The following PLCH1 variants were observed in gnomAD, a reference collection of about 807,000 sequenced individuals.
The protein encoded by PLCH1 is 1-phosphatidylinositol 4,5-bisphosphate phosphodiesterase eta-1.
In PLCH1, 60 loss-of-function variants were observed where a neutral mutation model predicts 126.7. The observed-to-expected ratio is 0.47, with a 90% CI of 0.38 to 0.59. The LOEUF (loss-of-function observed/expected upper bound fraction) is 0.59. Among genes scored for constraint, PLCH1 ranks in the 20% least tolerant of loss-of-function variants. The pLI, the probability that PLCH1 is intolerant of heterozygous loss-of-function variation, is 0.00. For synonymous variants in PLCH1, 719 were observed against 734.9 expected, an observed-to-expected ratio of 0.98 and a Z score of 0.35; for missense variants, 1,723 against 2,040.0, an observed-to-expected ratio of 0.84 and a Z score of 2.99.
Position 155,480,899 on chromosome 3 carries a change from C to T in PLCH1, c.*69G>A. The T allele has an allele frequency of 7.7e-7, 1 of 1,299,756 alleles. No homozygotes were observed. Among genetic ancestry groups the T allele is most frequent in the East Asian group, 2.3e-5 (1 of 42,898 alleles). 80.5% of individuals were successfully genotyped at this position (1,299,756 alleles called of 1,614,324 possible). A position where few individuals can be genotyped will look rare whatever the true frequency, so the allele number is the denominator to read the frequency against. On this transcript the variant is annotated 3_prime_UTR_variant, in exon 23 of 23. Coordinates refer to ENST00000460012, the MANE Select transcript of PLCH1 (RefSeq NM_014996.4). ...TGAAAATCATTCCAAAGCCAAGGAACTTATTTACTGAAAACTCTGACATTC... is the reference window on the plus strand; with the variant it reads ...TGAAAATCATTCCAAAGCCAAGGAATTTATTTACTGAAAACTCTGACATTC...
intron 1 of PLCH1, among the ~76,000 whole-genome samples, chr3:155,726,989 G>A (rs1464323849): frequency 1.3e-5 from 2 of 151,310 alleles, no homozygotes; most frequent in African/African-American, 4.9e-5. Context: ...CAAAGTGCTG[G>A]GAATACAGGC....
rs71302276 is a variant in PLCH1, at chr3:155,619,847, C to CAA, written c.80-23471_80-23470dup. ...TTATTTCTATGGCAGATGTTTTTGT[C>CAA]AAAAAAAAAAAATCCATCCTATAAA... On this transcript the variant is annotated intron_variant, in intron 2 of 22. Coordinates refer to ENST00000460012, the MANE Select transcript of PLCH1 (RefSeq NM_014996.4). 3.3e-3 allele frequency among the ~76,000 whole-genome samples: 471 copies of CAA among 143,370 alleles called. 2 individuals carry two copies. The highest frequency in any genetic ancestry group is 0.021 in the South Asian group (93 of 4,506). The allele number at this position is 143,370 out of a possible 152,430, so 94.1% of individuals were successfully genotyped here. A position where few individuals can be genotyped will look rare whatever the true frequency, so the allele number is the denominator to read the frequency against.
At chr3:155,604,093 T>C (rs1248513077) in intron 2 of PLCH1, among the ~76,000 whole-genome samples, 1 of 152,126 alleles carries the variant, frequency 6.6e-6, no homozygotes, top group Non-Finnish European at 1.5e-5. Context: ...AGCAAGACCC[T>C]AGACTCAATC....
chr3:155,490,056 T>C (rs1715941287), intron 19 of PLCH1, among the ~76,000 whole-genome samples: 1 of 152,206 alleles, frequency 6.6e-6, no homozygotes, highest in African/African-American at 2.4e-5. Context: ...TCCTAAGTTA[T>C]AGGTTTGCCC....
chr3:155,615,093 A>G (rs533087918), intron 2 of PLCH1, among the ~76,000 whole-genome samples: 1 of 152,314 alleles, frequency 6.6e-6, no homozygotes, highest in East Asian at 1.9e-4. Context: ...AGCAAGAAAA[A>G]AACAAAAAAT....
intron 2 of PLCH1, among the ~76,000 whole-genome samples, chr3:155,648,642 A>C (rs1424342041): frequency 6.6e-6 from 1 of 152,256 alleles, no homozygotes; most frequent in African/African-American, 2.4e-5. Flanking sequence ...AGTGTGACAG[A>C]CAGAATGCCT....
intron 4 of PLCH1, among the ~76,000 whole-genome samples, chr3:155,589,997 C>T (rs548366501): frequency 3.9e-5 from 6 of 152,172 alleles, no homozygotes; most frequent in African/African-American, 9.6e-5. Flanking sequence ...GGGGCTGGAC[C>T]GCAGGCAGTG....
intron 2 of PLCH1, among the ~76,000 whole-genome samples, chr3:155,613,602 T>C (rs1735418153): frequency 6.6e-6 from 1 of 152,122 alleles, no homozygotes; most frequent in Admixed American, 6.5e-5. Context: ...AAATCCAGCA[T>C]CCTTTATGAT....
At chr3:155,606,574 T>C (rs1256377023) in intron 2 of PLCH1, among the ~76,000 whole-genome samples, 2 of 152,254 alleles carry the variant, frequency 1.3e-5, no homozygotes, top group East Asian at 3.8e-4. Flanking sequence ...TATTGCTCTG[T>C]AGTAGTAACC....
At chr3:155,670,893 G>A (rs1163127520) in intron 2 of PLCH1, among the ~76,000 whole-genome samples, 2 of 151,922 alleles carry the variant, frequency 1.3e-5, no homozygotes, top group Non-Finnish European at 2.9e-5. Flanking sequence ...TTTCCATCTC[G>A]CACTCAGGAA....
At chr3:155,641,885 C>T (rs555205255) in intron 2 of PLCH1, among the ~76,000 whole-genome samples, 2 of 152,132 alleles carry the variant, frequency 1.3e-5, no homozygotes, top group African/African-American at 4.8e-5. Flanking sequence ...AGAAATTAAT[C>T]CTGTTTAATC....
At chr3:155,722,030 G>C (rs1747984894) in intron 1 of PLCH1, among the ~76,000 whole-genome samples, 1 of 152,164 alleles carries the variant, frequency 6.6e-6, no homozygotes, top group Non-Finnish European at 1.5e-5. Flanking sequence ...CTGGGCAAAA[G>C]AGTGAGACTC....
intron 1 of PLCH1, chr3:155,743,222 T>C (rs748162079): frequency 4.2e-5 from 19 of 453,880 alleles, no homozygotes; most frequent in Middle Eastern, 3.2e-4. Flanking sequence ...AGATTCACAA[T>C]TTTATGAAAA....
chr3:155,733,934 CATATATATATATATATATAT>C lies in PLCH1; in HGVS notation c.-41+10886_-41+10905del, dbSNP rs35149793. On this transcript the variant is annotated intron_variant, in intron 1 of 22. Coordinates refer to ENST00000460012, the MANE Select transcript of PLCH1 (RefSeq NM_014996.4). ...AACATACAAATGGCCAACAGGTATA[CATATATATATATATATATAT>C]ATATATATATATATATATATATATG... Among the ~76,000 whole-genome samples the C allele has an allele frequency of 1.7e-3, 162 of 98,174 alleles. 1 individual carries two copies. Among genetic ancestry groups the C allele is most frequent in the Non-Finnish European group, 2.6e-3 (119 of 46,006 alleles). The allele number at this position is 98,174 out of a possible 152,430, so 64.4% of individuals were successfully genotyped here.
chr3:155,582,048 C>CTT (rs747425959), intron 6 of PLCH1, among the ~76,000 whole-genome samples: 2 of 115,948 alleles, frequency 1.7e-5, no homozygotes, highest in Admixed American at 8.9e-5. Flanking sequence ...GTGCCCAGCC[C>CTT]TTTTTTTTTT....
intron 1 of PLCH1, among the ~76,000 whole-genome samples, chr3:155,740,621 A>G (rs1489142600): frequency 6.9e-6 from 1 of 145,160 alleles, no homozygotes; most frequent in African/African-American, 2.9e-5. Context: ...GAGGCCGAGG[A>G]GGGAGGATCA....
intron 2 of PLCH1, among the ~76,000 whole-genome samples, chr3:155,606,003 C>G (rs943858538): frequency 6.6e-6 from 1 of 151,890 alleles, no homozygotes; most frequent in African/African-American, 2.4e-5. Context: ...CCAAGGGTGT[C>G]AGCTATTTGT....
intron 2 of PLCH1, among the ~76,000 whole-genome samples, chr3:155,656,098 C>T (rs2108916767): frequency 6.6e-6 from 1 of 152,106 alleles, no homozygotes; most frequent in African/African-American, 2.4e-5. Flanking sequence ...AAAAGATATA[C>T]TTTCCTCCTA....
intron 2 of PLCH1, among the ~76,000 whole-genome samples, chr3:155,634,594 G>C (rs1172639382): frequency 2.0e-5 from 3 of 152,182 alleles, no homozygotes; most frequent in Non-Finnish European, 4.4e-5. Flanking sequence ...TTCCCTCACT[G>C]TCTAGAACAA....
Sources: gnomAD v4.1 joint callset for allele counts (sites outside exome capture counted in the v4.1 genomes callset) on GRCh38, gnomAD v4.1.1 for gene constraint, MANE v1.5 for transcripts, NCBI Gene and HGNC (gene_info 2026-07-23, HGNC 2026-07-21) for gene names.